The following RPS6KA6 variants were observed in gnomAD, a reference collection of about 807,000 sequenced individuals.
The protein encoded by RPS6KA6 is ribosomal protein S6 kinase alpha-6.
In RPS6KA6, 27 loss-of-function variants were observed where a neutral mutation model predicts 65.4. The ratio of observed to expected loss-of-function variants is 0.41; its 90% CI spans 0.30 to 0.57. RPS6KA6 has a LOEUF of 0.57. RPS6KA6 is among the 20% of genes least tolerant of loss of function. The pLI, the probability that RPS6KA6 is intolerant of heterozygous loss-of-function variation, is 0.24. For missense variants in RPS6KA6, 486 were observed against 555.6 expected (o/e 0.87, Z 1.26); for synonymous variants, 190 against 184.2 (o/e 1.03, Z -0.26).
chrX:84,090,734 C>T (rs1348149602), intron 20 of RPS6KA6, among the ~76,000 whole-genome samples: 3 of 111,843 alleles, frequency 2.7e-5, no homozygotes, highest in African/African-American at 9.8e-5. Flanking sequence ...TTACCTCCAT[C>T]TGTTGTCTCC....
intron 1 of RPS6KA6, among the ~76,000 whole-genome samples, chrX:84,183,825 C>G (rs745743720): frequency 9.0e-6 from 1 of 110,778 alleles, no homozygotes; most frequent in Admixed American, 9.7e-5. Context: ...CCACCACCAC[C>G]ACCACCACCC....
chrX:84,113,519 C>T (rs1435896517), intron 12 of RPS6KA6, among the ~76,000 whole-genome samples: 1 of 112,207 alleles, frequency 8.9e-6, no homozygotes, highest in Non-Finnish European at 1.9e-5. Flanking sequence ...ATTTACTAAT[C>T]AATAAATGTA....
At chrX:84,186,127 G>A (rs2035925313) in intron 1 of RPS6KA6, 1 of 509,553 alleles carries the variant, frequency 2.0e-6, no homozygotes, top group South Asian at 2.5e-5. Flanking sequence ...AAATTGCTGA[G>A]GTAGAGAGAC....
intron 1 of RPS6KA6, among the ~76,000 whole-genome samples, chrX:84,185,459 T>A (rs896632815): frequency 8.9e-6 from 1 of 111,915 alleles, no homozygotes; most frequent in Non-Finnish European, 1.9e-5. Context: ...AAAATATAAG[T>A]ACCCTTAATA....
chrX:84,143,686 G>A (rs747014297), intron 6 of RPS6KA6, among the ~76,000 whole-genome samples: 19 of 111,026 alleles, frequency 1.7e-4, no homozygotes, highest in Admixed American at 1.1e-3. Flanking sequence ...GTGAAAAGCC[G>A]ATTTTAAAAT....
chrX:84,119,095 C>A, intron 9 of RPS6KA6, among the ~76,000 whole-genome samples: 1 of 111,940 alleles, frequency 8.9e-6, no homozygotes, highest in Admixed American at 9.5e-5. Context: ...TTGCCTACAT[C>A]AGCTTACATT....
intron 20 of RPS6KA6, among the ~76,000 whole-genome samples, chrX:84,070,477 G>T (rs1296818684): frequency 9.1e-6 from 1 of 110,461 alleles, no homozygotes; most frequent in Non-Finnish European, 1.9e-5. Flanking sequence ...GGGTTGCTAG[G>T]TGCAGCAAAC....
intron 8 of RPS6KA6, 33 bp from the exon 9 acceptor site, chrX:84,120,060 G>A: frequency 9.5e-7 from 1 of 1,050,511 alleles, no homozygotes; most frequent in Non-Finnish European, 1.3e-6. Context: ...AAATGTGTCT[G>A]AAAAACTTCA....
At position 84,126,251 on chromosome X, in the gene RPS6KA6, G is replaced by A. The variant is rs551881607; in HGVS notation, c.647-6224C>T. On this transcript the variant is annotated intron_variant, in intron 8 of 21. Transcript: ENST00000262752. Reference sequence around the variant, plus strand: ...CAAAAATTATAAGAAGGGAAATGGAGGTCATTATATAATGATAAAGGGGTC... The same window carrying A: ...CAAAAATTATAAGAAGGGAAATGGAAGTCATTATATAATGATAAAGGGGTC... Among the ~76,000 whole-genome samples, 106 of 111,035 alleles carry A rather than the reference G, an allele frequency of 9.5e-4. No individual in the cohort carries two copies. The South Asian group carries it at 0.041, about 43-fold the overall frequency.
At chrX:84,104,227 C>A (rs1395810553) in intron 17 of RPS6KA6, among the ~76,000 whole-genome samples, 2 of 110,890 alleles carry the variant, frequency 1.8e-5, no homozygotes, top group Non-Finnish European at 3.8e-5. Flanking sequence ...ACTTTTAAGT[C>A]TAAGTTTCAT....
At chrX:84,109,528 G>A (rs143673334) in intron 12 of RPS6KA6, among the ~76,000 whole-genome samples, 129 of 111,129 alleles carry the variant, frequency 1.2e-3, no homozygotes, top group African/African-American at 4.1e-3. Flanking sequence ...TATATTCTGA[G>A]CATTCTGTGG....
chrX:84,081,912 C>T (rs1297464147), intron 20 of RPS6KA6, among the ~76,000 whole-genome samples: 10 of 112,055 alleles, frequency 8.9e-5, no homozygotes, highest in African/African-American at 3.2e-4. Flanking sequence ...ATGCTAAAAA[C>T]TCTCAATAAA....
intron 1 of RPS6KA6, among the ~76,000 whole-genome samples, chrX:84,183,011 TAA>T (rs2035879944): frequency 8.9e-6 from 1 of 112,371 alleles, no homozygotes; most frequent in African/African-American, 3.2e-5. Context: ...CCTTTGGTAG[TAA>T]AGAATTTAAG....
intron 1 of RPS6KA6, among the ~76,000 whole-genome samples, chrX:84,168,496 CTA>C (rs2035632554): frequency 9.0e-6 from 1 of 111,282 alleles, no homozygotes; most frequent in Admixed American, 9.6e-5. Flanking sequence ...ACAAAACAGA[CTA>C]TGTGGGATTA....
Position 84,138,826 on chromosome X carries a change from TGTGTGTGTG to T in RPS6KA6, c.502-3625_502-3617del, listed in dbSNP as rs1278706614. The stretch of plus-strand genomic sequence containing the variant: ...TTGTGTGTGTGTGTGTGTGTGTGTG[TGTGTGTGTG>T]TGTGTGTACATTCTGAGGAAGGGAA... On this transcript the variant is annotated intron_variant, in intron 6 of 21. Transcript: ENST00000262752. Among the ~76,000 whole-genome samples, 4 of 110,135 alleles carry T rather than the reference TGTGTGTGTG, an allele frequency of 3.6e-5. No homozygotes were observed. In the Admixed American group the frequency reaches 3.9e-4, roughly 11 times the overall value.
At position 84,136,332 on chromosome X, in the gene RPS6KA6, C is replaced by T. The variant is rs575735003; in HGVS notation, c.502-1122G>A. On this transcript the variant is annotated intron_variant, in intron 6 of 21. Transcript: ENST00000262752. ...CAACCTGCTTGCCCATTTAGAATTA[C>T]GGCCACTGCATTTCACAATGCAGAT... Among the ~76,000 whole-genome samples, 22 of 111,538 alleles carry T rather than the reference C, an allele frequency of 2.0e-4. No individual in the cohort carries two copies. In the South Asian group the frequency reaches 7.5e-3, roughly 38 times the overall value.
At chrX:84,168,560 G>A (rs928421950) in intron 1 of RPS6KA6, among the ~76,000 whole-genome samples, 2 of 111,017 alleles carry the variant, frequency 1.8e-5, no homozygotes, top group Non-Finnish European at 3.8e-5. Context: ...AAGAGCATTC[G>A]GAAAACAGTC....
intron 20 of RPS6KA6, among the ~76,000 whole-genome samples, chrX:84,078,307 T>C (rs980590680): frequency 8.9e-6 from 1 of 112,249 alleles, no homozygotes; most frequent in African/African-American, 3.2e-5. Flanking sequence ...TCATATCCAG[T>C]GTTGCCAAAG....
intron 2 of RPS6KA6, among the ~76,000 whole-genome samples, chrX:84,163,645 CA>C (rs1184307765): frequency 0.13 from 6,050 of 46,671 alleles, 94 homozygotes; most frequent in Non-Finnish European, 0.17. Flanking sequence ...GACTCCGTCT[CA>C]AAAAAAAAAA....
Sources: allele counts gnomAD v4.1 joint callset (sites outside exome capture counted in the v4.1 genomes callset), GRCh38; gene constraint gnomAD v4.1.1; transcripts MANE v1.5; gene names NCBI Gene and HGNC (gene_info 2026-07-23, HGNC 2026-07-21).